Variants in NRG1 observed in about 807,000 individuals in gnomAD.
NRG1 encodes the protein neuregulin 1.
Under a neutral mutation model 63.8 loss-of-function variants are expected in NRG1, and 18 were observed. The observed-to-expected ratio is 0.28, with a 90% CI of 0.19 to 0.42. NRG1 has a LOEUF of 0.42. Among genes scored for constraint, NRG1 ranks in the 10% least tolerant of loss-of-function variants. NRG1 has a pLI of 1.00. For missense variants in NRG1, 762 were observed against 814.7 expected (o/e 0.94, Z 0.79); for synonymous variants, 302 against 301.3 (o/e 1.00, Z -0.02).
At chr8:32,483,569 C>G (rs1175248612) in intron 1 of NRG1, among the ~76,000 whole-genome samples, 1 of 152,198 alleles carries the variant, frequency 6.6e-6, no homozygotes, top group Admixed American at 6.5e-5. Flanking sequence ...CCATTTGTCA[C>G]TTGATAAGCC....
chr8:32,454,573 CTTTTTTTTTTTTTT>C (rs1158217383), intron 1 of NRG1, among the ~76,000 whole-genome samples: 2 of 76,406 alleles, frequency 2.6e-5, no homozygotes, highest in East Asian at 4.5e-4. Flanking sequence ...TCCCATCCCT[CTTTTTTTTTTTTTT>C]TTTTTTTTTT....
chr8:31,774,944 ATGT>A (rs897008328), intron 1 of NRG1, among the ~76,000 whole-genome samples: 5 of 152,202 alleles, frequency 3.3e-5, no homozygotes, highest in Non-Finnish European at 7.3e-5. Flanking sequence ...AACCCAACAG[ATGT>A]TGATGAGGAT....
chr8:32,481,095 G>A (rs1245992528), intron 1 of NRG1, among the ~76,000 whole-genome samples: 1 of 152,160 alleles, frequency 6.6e-6, no homozygotes, highest in African/African-American at 2.4e-5. Context: ...TATAATCCAA[G>A]CACTTTGGGA....
intron 1 of NRG1, among the ~76,000 whole-genome samples, chr8:31,926,237 G>A (rs898690514): frequency 1.3e-5 from 2 of 151,962 alleles, no homozygotes; most frequent in East Asian, 1.9e-4. Context: ...TGAAAGACGG[G>A]GCCTTTTTTC....
At chr8:32,608,087 T>TTTTTGTTTTG (rs1446916467) in intron 3 of NRG1, among the ~76,000 whole-genome samples, 1 of 119,910 alleles carries the variant, frequency 8.3e-6, no homozygotes, top group African/African-American at 3.9e-5. Flanking sequence ...ACCCAGGTTT[T>TTTTTGTTTTG]TTTTGTTTTT....
chr8:32,676,573 T>C (rs1807170697), intron 5 of NRG1, among the ~76,000 whole-genome samples: 1 of 152,234 alleles, frequency 6.6e-6, no homozygotes. Flanking sequence ...AATATACTTT[T>C]CTCAGGTTAG....
chr8:31,653,319 A>G (rs1212833033), intron 1 of NRG1, among the ~76,000 whole-genome samples: 2 of 152,078 alleles, frequency 1.3e-5, no homozygotes, highest in Admixed American at 6.6e-5. Context: ...CTCATGGAAG[A>G]TGTATTAGTT....
chr8:32,131,054 T>C (rs533918680), intron 1 of NRG1, among the ~76,000 whole-genome samples: 1 of 152,056 alleles, frequency 6.6e-6, no homozygotes, highest in South Asian at 2.1e-4. Flanking sequence ...AAGAGGAAGG[T>C]TAATTAGCAA....
chr8:32,117,357 T>G (rs1260163598), intron 1 of NRG1, among the ~76,000 whole-genome samples: 2 of 152,114 alleles, frequency 1.3e-5, no homozygotes, highest in East Asian at 1.9e-4. Flanking sequence ...TTCTTTACAT[T>G]TTGTGGTTTG....
chr8:31,853,251 T>G (rs866929952), intron 1 of NRG1, among the ~76,000 whole-genome samples: 4 of 152,278 alleles, frequency 2.6e-5, no homozygotes, highest in Middle Eastern at 6.8e-3. Flanking sequence ...GAGCATGGAA[T>G]GTTCTTCCAT....
At chr8:31,919,566 G>C (rs1298921008) in intron 1 of NRG1, among the ~76,000 whole-genome samples, 1 of 152,070 alleles carries the variant, frequency 6.6e-6, no homozygotes, top group African/African-American at 2.4e-5. Flanking sequence ...GGAGGCAGCT[G>C]TTAAAATTTG....
chr8:32,748,126 T>C (rs1827843047), intron 7 of NRG1, among the ~76,000 whole-genome samples: 1 of 152,128 alleles, frequency 6.6e-6, no homozygotes, highest in Non-Finnish European at 1.5e-5. Context: ...TGAGGTACTT[T>C]TTCCATGCCC....
intron 1 of NRG1, among the ~76,000 whole-genome samples, chr8:31,711,812 A>G (rs1248297575): frequency 6.6e-6 from 1 of 152,180 alleles, no homozygotes; most frequent in East Asian, 1.9e-4. Context: ...CCTGGTTCAT[A>G]GATTCTGTCT....
intron 1 of NRG1, among the ~76,000 whole-genome samples, chr8:32,568,230 A>G: frequency 6.6e-6 from 1 of 152,172 alleles, no homozygotes; most frequent in East Asian, 1.9e-4. Context: ...TACACCATAA[A>G]TCTCGAAGTG....
chr8:32,424,726 G>T (rs1479681571), intron 1 of NRG1, among the ~76,000 whole-genome samples: 1 of 152,108 alleles, frequency 6.6e-6, no homozygotes, highest in African/African-American at 2.4e-5. Context: ...AATTAGCCAG[G>T]CATGGTGGTG....
At chr8:32,036,633 C>A (rs758586573) in intron 1 of NRG1, among the ~76,000 whole-genome samples, 5 of 152,154 alleles carry the variant, frequency 3.3e-5, no homozygotes, top group Non-Finnish European at 7.3e-5. Context: ...CATTCCTTTT[C>A]ATTCTTTTTT....
intron 1 of NRG1, among the ~76,000 whole-genome samples, chr8:32,473,000 A>G (rs1265122359): frequency 6.6e-6 from 1 of 152,224 alleles, no homozygotes; most frequent in East Asian, 1.9e-4. Flanking sequence ...TATGAATGAC[A>G]AATGGGTAGG....
At chr8:32,357,782 T>C (rs914574187) in intron 1 of NRG1, among the ~76,000 whole-genome samples, 2 of 152,192 alleles carry the variant, frequency 1.3e-5, no homozygotes, top group African/African-American at 2.4e-5. Flanking sequence ...CTGTTGGGAA[T>C]AGAAAAATTT....
At chr8:32,498,889 A>C (rs183860107) in intron 1 of NRG1, among the ~76,000 whole-genome samples, 4 of 152,318 alleles carry the variant, frequency 2.6e-5, no homozygotes, top group Admixed American at 2.6e-4. Flanking sequence ...TTGATTATCA[A>C]TTGCCTTCAG....
Sources: allele counts gnomAD v4.1 joint callset (sites outside exome capture counted in the v4.1 genomes callset), GRCh38; gene constraint gnomAD v4.1.1; transcripts MANE v1.5; gene names NCBI Gene and HGNC (gene_info 2026-07-23, HGNC 2026-07-21).